The following NPEPL1 variants were observed in gnomAD, a reference collection of about 807,000 sequenced individuals.
NPEPL1 encodes probable aminopeptidase NPEPL1.
Under a neutral mutation model 52.4 loss-of-function variants are expected in NPEPL1, and 45 were observed. That is an observed-to-expected ratio of 0.86 (90% CI 0.68 to 1.10). NPEPL1 has a LOEUF of 1.10. Ranked by LOEUF, NPEPL1 falls within the 50% of genes least tolerant of loss-of-function variation. NPEPL1 has a pLI of 0.00. For synonymous variants in NPEPL1, 360 were observed against 314.7 expected (o/e 1.14, Z -1.52); for missense variants, 696 against 710.9 (o/e 0.98, Z 0.24).
intron 5 of NPEPL1, among the ~76,000 whole-genome samples, chr20:58,699,532 G>T (rs1193534447): frequency 6.6e-6 from 1 of 152,254 alleles, no homozygotes; most frequent in Non-Finnish European, 1.5e-5. Context: ...CCTGCCTGCA[G>T]CCTCTCCAGC....
At chr20:58,699,689 T>A (rs2084573271) in intron 5 of NPEPL1, among the ~76,000 whole-genome samples, 1 of 152,154 alleles carries the variant, frequency 6.6e-6, no homozygotes, top group African/African-American at 2.4e-5. Context: ...AGATATATTT[T>A]TGGTGGAGGC....
In NPEPL1 at chr20:58,701,066, C is replaced by T; in HGVS notation, c.730C>T (p.Leu244Phe). ...AALHPPALAVLSHTPDGATQT... is the reference protein window; with the variant it reads ...AALHPPALAVFSHTPDGATQT... Reference sequence around the variant, plus strand: ...CCTGCATCCCCCAGCCCTGGCCGTCCTCAGCCACACCCCAGATGGAGCCAC... The same window carrying T: ...CCTGCATCCCCCAGCCCTGGCCGTCTTCAGCCACACCCCAGATGGAGCCAC... Residue 244 changes from leucine to phenylalanine, a missense_variant, in exon 6 of 12, where the codon CTC becomes TTC. By Grantham distance (22) the Leu-to-Phe change is conservative (BLOSUM62 0). Transcript: ENST00000356091. The T allele has an allele frequency of 1.3e-6, 2 of 1,596,082 alleles. No homozygotes were observed. The highest frequency in any genetic ancestry group is 1.7e-6 in the Non-Finnish European group (2 of 1,172,284).
chr20:58,700,590 G>A (rs1414328447), intron 5 of NPEPL1, among the ~76,000 whole-genome samples: 1 of 152,224 alleles, frequency 6.6e-6, no homozygotes, highest in East Asian at 1.9e-4. Context: ...AACCAAAGAG[G>A]CAGTGGTGCA....
At chr20:58,712,894 GA>G in intron 8 of NPEPL1, 2 of 434,934 alleles carry the variant, frequency 4.6e-6, no homozygotes, top group East Asian at 1.0e-4. Flanking sequence ...GTGAAGCTCT[GA>G]CCCCCAGATT....
At chr20:58,708,094 C>G (rs533610480) in intron 7 of NPEPL1, among the ~76,000 whole-genome samples, 157 of 152,246 alleles carry the variant, frequency 1.0e-3, no homozygotes, top group African/African-American at 3.7e-3. Context: ...AAGAAACAGG[C>G]CAATGAGGAG....
At chr20:58,709,853 G>C (rs2084801327) in intron 7 of NPEPL1, among the ~76,000 whole-genome samples, 1 of 152,180 alleles carries the variant, frequency 6.6e-6, no homozygotes, top group African/African-American at 2.4e-5. Flanking sequence ...AGCAGGCCAG[G>C]CTTGATGTGT....
At chr20:58,702,038 G>A (rs1312281309) in intron 6 of NPEPL1, among the ~76,000 whole-genome samples, 2 of 152,246 alleles carry the variant, frequency 1.3e-5, no homozygotes, top group Non-Finnish European at 2.9e-5. Context: ...CAGGGAGGGA[G>A]CAGACTGGGA....
At chr20:58,714,172 T>C in intron 10 of NPEPL1, 79 bp downstream of exon 10, 1 of 1,461,962 alleles carries the variant, frequency 6.8e-7, no homozygotes, top group Non-Finnish European at 9.0e-7. Context: ...AGGGTGCTGG[T>C]GCACCCAGGG....
chr20:58,690,430 AAAC>A (rs2084326755), upstream of NPEPL1, among the ~76,000 whole-genome samples: 2 of 152,236 alleles, frequency 1.3e-5, no homozygotes, highest in Admixed American at 1.3e-4. Context: ...AAATTTATCT[AAAC>A]AAAGTGCTGC....
intron 2 of NPEPL1, 80 bp from the exon 3 acceptor site, chr20:58,694,342 G>C: frequency 7.1e-7 from 1 of 1,409,714 alleles, no homozygotes; most frequent in Non-Finnish European, 9.5e-7. Context: ...CTGATGTTCC[G>C]GAGGCGTTCA....
At chr20:58,698,413 G>A (rs993664508) in intron 3 of NPEPL1, among the ~76,000 whole-genome samples, 1 of 152,190 alleles carries the variant, frequency 6.6e-6, no homozygotes, top group African/African-American at 2.4e-5. Flanking sequence ...ATACAGAAGG[G>A]CAGGACCCCA....
At chr20:58,692,145 C>A, upstream of NPEPL1, 1 of 402,946 alleles carries the variant, frequency 2.5e-6, no homozygotes, top group Non-Finnish European at 4.5e-6. The surrounding 1 kb of genome is among the most constrained non-coding windows in gnomAD (Gnocchi z 5.7). Flanking sequence ...TGCAGCCAGG[C>A]AGTGCCTGGA....
At chr20:58,698,797 G>T (rs1175517120) in intron 4 of NPEPL1, 24 bp downstream of exon 4, 8 of 1,601,122 alleles carry the variant, frequency 5.0e-6, no homozygotes, top group Admixed American at 1.7e-5. Context: ...TCAGGCCGGG[G>T]GTGGGACCAG....
chr20:58,693,017 C>A lies in NPEPL1; in HGVS notation c.117C>A (p.Val39=). 1.8e-6 allele frequency: 2 copies of A among 1,097,636 alleles called. No individual in the cohort carries two copies. Among genetic ancestry groups the A allele is most frequent in the South Asian group, 3.0e-5 (1 of 33,158 alleles). The allele number at this position is 1,097,636 out of a possible 1,614,324, so 68.0% of individuals were successfully genotyped here. A position where few individuals can be genotyped will look rare whatever the true frequency, so the allele number is the denominator to read the frequency against. ...TGCACCGCGTGCCCTGGAGCCACGT[C>A]CGCGGGAAGCTGCAGCCCCGGGTCA... The part of the protein sequence containing the change: ...HHLHRVPWSH[V]RGKLQPRVTE... Residue 39 remains valine, a synonymous_variant, in exon 1 of 12, where the codon GTC becomes GTA. Transcript: ENST00000356091.
In NPEPL1 at chr20:58,693,092, G is replaced by GC. The variant is rs1333496929; in HGVS notation, c.150+45dup. On this transcript the variant is annotated intron_variant, in intron 1 of 11. Coordinates refer to ENST00000356091, the MANE Select transcript of NPEPL1 (RefSeq NM_024663.4). ...CCGCCATGCGACCCGCGCCGCGGAA[G>GC]CCCAGGCCCGGGCGGCCCGCGGAGG... The GC allele has an allele frequency of 4.0e-6, 4 of 995,072 alleles. No homozygotes were observed. In the East Asian group the frequency reaches 2.9e-4, roughly 71 times the overall value. 61.6% of individuals were successfully genotyped at this position (995,072 alleles called of 1,614,324 possible).
At chr20:58,691,676 TTTTC>T (rs1302142881), upstream of NPEPL1, 1 of 805,176 alleles carries the variant, frequency 1.2e-6, no homozygotes, top group African/African-American at 1.9e-5. Flanking sequence ...CAGTGCTTTT[TTTTC>T]TTTTTTTCTT....
In NPEPL1 at chr20:58,694,046, C is replaced by T. The variant is rs2084409787; in HGVS notation, c.336+124C>T. The stretch of plus-strand genomic sequence containing the variant: ...CCCAGAGGGCTGTGGACGTTATCAT[C>T]CCTGCTCTGTAGACAGGGAAACAGG... On this transcript the variant is annotated intron_variant, in intron 2 of 11. Transcript: ENST00000356091. The T allele has an allele frequency of 3.1e-6, 3 of 970,482 alleles. No individual in the cohort carries two copies. The Admixed American group carries it at 8.5e-5, about 27-fold the overall frequency. The allele number at this position is 970,482 out of a possible 1,614,324, so 60.1% of individuals were successfully genotyped here.
At chr20:58,701,680 G>A (rs1371587274) in intron 6 of NPEPL1, among the ~76,000 whole-genome samples, 3 of 152,166 alleles carry the variant, frequency 2.0e-5, no homozygotes, top group Non-Finnish European at 4.4e-5. Context: ...AGAAGAGAAG[G>A]GCAAGGGGAC....
rs575033316 is a variant in NPEPL1, at chr20:58,714,652, T to G, written c.1395T>G (p.Ile465Met). The G allele has an allele frequency of 4.7e-5, 75 of 1,594,210 alleles. 1 individual carries two copies. In the Middle Eastern group the frequency reaches 1.8e-3, roughly 39 times the overall value. The change falls in exon 11 of 12, where the codon ATT (isoleucine) becomes ATG (methionine). Residue 465 changes from isoleucine to methionine, a missense_variant. Physicochemically the swap from Ile to Met is conservative, Grantham distance 10. Transcript: ENST00000356091. ...CCGGAGTCTGGGTCCACCTGGACAT[T>G]GCTGCACCGGTGCATGCTGTGAGTG... is the stretch of plus-strand genomic sequence containing the variant. ...DWPGVWVHLD[I>M]AAPVHAGERA...
Sources: gnomAD v4.1 joint callset for allele counts (sites outside exome capture counted in the v4.1 genomes callset) on GRCh38, gnomAD v4.1.1 for gene constraint, Gnocchi (gnomAD v3.1) non-coding constraint, MANE v1.5 for transcripts, NCBI Gene and HGNC (gene_info 2026-07-23, HGNC 2026-07-21) for gene names.